Variants in SIN3A observed in about 807,000 individuals in gnomAD.
SIN3A encodes the protein SIN3 transcription regulator family member A.
In SIN3A, 14 loss-of-function variants were observed where a neutral mutation model predicts 146.1. That is an observed-to-expected ratio of 0.10 (90% CI 0.06 to 0.15). The LOEUF is 0.15. SIN3A is among the 10% of genes least tolerant of loss of function. SIN3A has a pLI of 1.00. For missense variants in SIN3A, 1,028 were observed against 1,576.0 expected, an observed-to-expected ratio of 0.65 and a Z score of 5.89; for synonymous variants, 572 against 572.0, an observed-to-expected ratio of 1.00 and a Z score of 0.00.
intron 3 of SIN3A, chr15:75,419,996 CAG>C (rs975691679): frequency 4.6e-5 from 7 of 152,172 alleles, no homozygotes; most frequent in African/African-American, 1.7e-4. Flanking sequence ...TGCATGTATA[CAG>C]TTCTAGGTAG....
intron 2 of SIN3A, among the ~76,000 whole-genome samples, chr15:75,426,051 T>C (rs1368631613): frequency 6.6e-6 from 1 of 152,260 alleles, no homozygotes; most frequent in African/African-American, 2.4e-5. Context: ...TATTCCAACA[T>C]GCATGTTTTT....
intron 19 of SIN3A, chr15:75,376,278 T>A (rs1040465903): frequency 4.2e-5 from 8 of 192,700 alleles, no homozygotes; most frequent in African/African-American, 1.9e-4. Flanking sequence ...ATGATAGATT[T>A]GTCTTATTCT....
At chr15:75,425,703 T>C (rs1373038770) in intron 2 of SIN3A, among the ~76,000 whole-genome samples, 1 of 152,226 alleles carries the variant, frequency 6.6e-6, no homozygotes, top group Non-Finnish European at 1.5e-5. Flanking sequence ...TTTTCCTTTT[T>C]CAGAATTGTT....
At chr15:75,393,850 C>T (rs1347822299) in intron 14 of SIN3A, among the ~76,000 whole-genome samples, 2 of 152,082 alleles carry the variant, frequency 1.3e-5, no homozygotes, top group Non-Finnish European at 2.9e-5. Flanking sequence ...CTCTGTCACC[C>T]AGACTGGAGT....
intron 3 of SIN3A, among the ~76,000 whole-genome samples, chr15:75,417,985 C>T (rs2073771758): frequency 6.6e-6 from 1 of 152,054 alleles, no homozygotes; most frequent in Non-Finnish European, 1.5e-5. Flanking sequence ...CACCAGACAC[C>T]AAACCAACTG....
intron 14 of SIN3A, among the ~76,000 whole-genome samples, chr15:75,394,430 T>C (rs927998938): frequency 6.6e-6 from 1 of 152,024 alleles, no homozygotes; most frequent in Non-Finnish European, 1.5e-5. Flanking sequence ...AAGTGGAAAA[T>C]GGAGGCAGGA....
intron 12 of SIN3A, 121 bp from the exon 13 acceptor site, chr15:75,396,617 T>C: frequency 1.4e-6 from 1 of 689,902 alleles, no homozygotes; most frequent in Non-Finnish European, 2.5e-6. Flanking sequence ...TCTGCCCTAC[T>C]AGCTACATAA....
chr15:75,414,120 A>T, intron 4 of SIN3A, 85 bp downstream of exon 4: 1 of 589,462 alleles, frequency 1.7e-6, no homozygotes, highest in Non-Finnish European at 2.7e-6. Context: ...AGCATCCTTT[A>T]TCTTCCAGTA....
At chr15:75,375,622 A>AG in intron 20 of SIN3A, 43 bp downstream of exon 20, 1 of 1,494,572 alleles carries the variant, frequency 6.7e-7, no homozygotes, top group Non-Finnish European at 9.3e-7. Flanking sequence ...GGTCCTAGCT[A>AG]GGGTGGGAGA....
chr15:75,435,122 T>G (rs2074084217), intron 1 of SIN3A, among the ~76,000 whole-genome samples: 1 of 152,056 alleles, frequency 6.6e-6, no homozygotes, highest in Non-Finnish European at 1.5e-5. Context: ...CCCATGCATA[T>G]TATGGAAAAC....
chr15:75,426,328 G>C (rs8028182), intron 2 of SIN3A, among the ~76,000 whole-genome samples: 5 of 151,940 alleles, frequency 3.3e-5, no homozygotes, highest in African/African-American at 1.2e-4. Context: ...GACACCTAAG[G>C]AATCACCATT....
In SIN3A at chr15:75,451,583, T is replaced by TGGGAAGGA. The variant is rs2074411136; in HGVS notation, c.-202_-195dup. Reference sequence around the variant, plus strand: ...CGGTCACAGGCTCCGGTGCCCAGACTGGGAAGGAGGGAGGGAGGGAGGGAG... The same window carrying TGGGAAGGA: ...CGGTCACAGGCTCCGGTGCCCAGACTGGGAAGGAGGGAAGGAGGGAGGGAGGGAGGGAG... On this transcript the variant is annotated 5_prime_UTR_variant, in exon 1 of 21. Coordinates refer to ENST00000394947, the MANE Select transcript of SIN3A (RefSeq NM_001145358.2). 2.2e-5 allele frequency: 1 copy of TGGGAAGGA among 45,198 alleles called. No individual in the cohort carries two copies. Among genetic ancestry groups the TGGGAAGGA allele is most frequent in the Admixed American group, 3.0e-4 (1 of 3,330 alleles). 2.8% of individuals were successfully genotyped at this position (45,198 alleles called of 1,614,324 possible). A position where few individuals can be genotyped will look rare whatever the true frequency, so the allele number is the denominator to read the frequency against.
chr15:75,454,005 G>A (rs2074450236), upstream of SIN3A: 1 of 152,264 alleles, frequency 6.6e-6, no homozygotes, highest in South Asian at 2.1e-4. Flanking sequence ...CATGTGCGGA[G>A]CGCGCTCAAG....
intron 1 of SIN3A, among the ~76,000 whole-genome samples, chr15:75,439,418 G>A (rs1274632027): frequency 2.0e-5 from 3 of 151,414 alleles, no homozygotes; most frequent in Non-Finnish European, 4.4e-5. Flanking sequence ...TTGGCTCACT[G>A]CAAGCTCCGC....
rs552460952 is a variant in SIN3A, at chr15:75,439,700, G to A, written c.-33-9292C>T. ...CCTTTAACCCGCATTATACCATTAC[G>A]CATTGGCCAGACACTCTGACCTAAA... On this transcript the variant is annotated intron_variant, in intron 1 of 20. Transcript: ENST00000394947. Among the ~76,000 whole-genome samples the A allele has an allele frequency of 1.9e-4, 29 of 151,912 alleles. No individual in the cohort carries two copies. The South Asian group carries it at 4.2e-3, about 22-fold the overall frequency.
chr15:75,419,943 T>C (rs2073811808), intron 3 of SIN3A: 1 of 152,144 alleles, frequency 6.6e-6, no homozygotes, highest in Non-Finnish European at 1.5e-5. Context: ...AATTCTCTCA[T>C]CACCTAAAGC....
At chr15:75,384,916 G>A (rs1463234281) in intron 16 of SIN3A, among the ~76,000 whole-genome samples, 4 of 152,206 alleles carry the variant, frequency 2.6e-5, no homozygotes, top group African/African-American at 9.6e-5. Flanking sequence ...GCTCACGCCT[G>A]TAATCCCAGC....
In SIN3A at chr15:75,428,413, G is replaced by C. The variant is rs140048011; in HGVS notation, c.189+1774C>G. Reference sequence around the variant, plus strand: ...ACTGCAGCCTTGACTTCCTGGGCTTGAGCAATCCTCTCACCTCAGTCTCCC... The same window carrying C: ...ACTGCAGCCTTGACTTCCTGGGCTTCAGCAATCCTCTCACCTCAGTCTCCC... On this transcript the variant is annotated intron_variant, in intron 2 of 20. Transcript: ENST00000394947. Among the ~76,000 whole-genome samples, 254 of 152,262 alleles carry C rather than the reference G, an allele frequency of 1.7e-3. 1 individual carries two copies. The highest frequency in any genetic ancestry group is 5.0e-3 in the African/African-American group (206 of 41,562).
intron 1 of SIN3A, among the ~76,000 whole-genome samples, chr15:75,450,684 G>A (rs1180171177): frequency 3.3e-5 from 5 of 152,328 alleles, no homozygotes; most frequent in African/African-American, 7.2e-5. Flanking sequence ...TGTGCCCCCA[G>A]GCAGAAGGCA....
Sources: gnomAD v4.1 joint callset for allele counts (sites outside exome capture counted in the v4.1 genomes callset) on GRCh38, gnomAD v4.1.1 for gene constraint, MANE v1.5 for transcripts, NCBI Gene and HGNC (gene_info 2026-07-23, HGNC 2026-07-21) for gene names.